Variants in FSTL5 observed in about 807,000 individuals in gnomAD.
FSTL5 encodes the protein follistatin-related protein 5.
FSTL5 carries 62 observed loss-of-function variants against 89.1 expected under a neutral mutation model. That is an observed-to-expected ratio of 0.70 (90% CI 0.57 to 0.86). The LOEUF (loss-of-function observed/expected upper bound fraction) is 0.86, where lower values mean the gene tolerates loss of function less well. FSTL5 is among the 40% of genes least tolerant of loss of function. The pLI is 0.00. For synonymous variants in FSTL5, 383 were observed against 346.2 expected, an observed-to-expected ratio of 1.11 and a Z score of -1.18; for missense variants, 1,057 against 1,001.6, an observed-to-expected ratio of 1.06 and a Z score of -0.75.
At chr4:161,945,962 T>C (rs985157259) in intron 3 of FSTL5, among the ~76,000 whole-genome samples, 2 of 152,150 alleles carry the variant, frequency 1.3e-5, no homozygotes, top group Non-Finnish European at 2.9e-5. Flanking sequence ...ATAATTATAA[T>C]TTAAATTTTC....
intron 11 of FSTL5, among the ~76,000 whole-genome samples, chr4:161,503,352 C>T (rs1157872802): frequency 1.3e-5 from 2 of 151,728 alleles, no homozygotes; most frequent in Non-Finnish European, 3.0e-5. Flanking sequence ...CTCATTTCTC[C>T]TCAAACCCAT....
At chr4:161,858,396 T>C (rs1012669238) in intron 4 of FSTL5, among the ~76,000 whole-genome samples, 1 of 152,202 alleles carries the variant, frequency 6.6e-6, no homozygotes, top group Admixed American at 6.5e-5. Flanking sequence ...ATTAAATTCA[T>C]GAAAGGTATA....
intron 3 of FSTL5, among the ~76,000 whole-genome samples, chr4:161,943,035 A>G (rs1734634175): frequency 6.6e-6 from 1 of 152,170 alleles, no homozygotes; most frequent in African/African-American, 2.4e-5. Context: ...CTAGTGATAC[A>G]TAATACAAAA....
chr4:161,704,888 G>A (rs11100383), intron 6 of FSTL5, among the ~76,000 whole-genome samples: 146,481 of 152,148 alleles, frequency 0.96, 70,644 homozygotes, highest in East Asian at 1. Flanking sequence ...TGTTTTGCTC[G>A]CATTATTCCC....
intron 7 of FSTL5, among the ~76,000 whole-genome samples, chr4:161,599,261 C>T (rs990228490): frequency 1.3e-5 from 2 of 152,082 alleles, no homozygotes; most frequent in Non-Finnish European, 2.9e-5. Context: ...ACCATGTAAA[C>T]ATCTACTAGA....
intron 2 of FSTL5, among the ~76,000 whole-genome samples, chr4:162,041,635 T>C (rs1375743524): frequency 1.3e-5 from 2 of 152,140 alleles, no homozygotes; most frequent in Non-Finnish European, 2.9e-5. Flanking sequence ...GTATTTGCTG[T>C]GTTTATGTAA....
chr4:161,454,014 A>G (rs1733263866), intron 15 of FSTL5, among the ~76,000 whole-genome samples: 1 of 152,206 alleles, frequency 6.6e-6, no homozygotes, highest in Admixed American at 6.5e-5. Flanking sequence ...GCAAGGAATA[A>G]TTTATTCTAT....
chr4:161,970,780 C>T (rs1553987372), intron 3 of FSTL5, among the ~76,000 whole-genome samples: 2 of 151,992 alleles, frequency 1.3e-5, no homozygotes, highest in East Asian at 1.9e-4. Context: ...AAAGTACACA[C>T]ATATTCAGAA....
At chr4:162,102,334 T>TAA (rs1031055683) in intron 2 of FSTL5, among the ~76,000 whole-genome samples, 22 of 151,734 alleles carry the variant, frequency 1.4e-4, no homozygotes, top group Non-Finnish European at 4.4e-5. Flanking sequence ...TTGAAACAAT[T>TAA]ATATATATAA....
intron 4 of FSTL5, among the ~76,000 whole-genome samples, chr4:161,797,612 T>G (rs968622795): frequency 1.3e-5 from 2 of 151,588 alleles, no homozygotes; most frequent in Non-Finnish European, 3.0e-5. Context: ...TCAATTATAA[T>G]GTACATGAAC....
In FSTL5 at chr4:161,519,370, T is replaced by A. The variant is rs372642626; in HGVS notation, c.1313-8946A>T. ...TGAAACCCTGTCTCTACTAAAAATA[T>A]AAAAAATTAGCCAGGAGTGGTGGTG... On this transcript the variant is annotated intron_variant, in intron 10 of 15. Coordinates refer to ENST00000306100, the MANE Select transcript of FSTL5 (RefSeq NM_020116.5). 4.5e-3 allele frequency among the ~76,000 whole-genome samples: 677 copies of A among 151,692 alleles called. 5 individuals carry two copies. The highest frequency in any genetic ancestry group is 0.017 in the Middle Eastern group (5 of 294).
At chr4:162,029,482 A>C (rs554426541) in intron 3 of FSTL5, among the ~76,000 whole-genome samples, 2 of 152,118 alleles carry the variant, frequency 1.3e-5, no homozygotes. Context: ...AGAATATCTT[A>C]TATGTAAAGG....
At chr4:162,063,017 C>T (rs1738772830) in intron 2 of FSTL5, among the ~76,000 whole-genome samples, 1 of 151,210 alleles carries the variant, frequency 6.6e-6, no homozygotes, top group Non-Finnish European at 1.5e-5. Context: ...GTGCTTTTTT[C>T]CTTTGTCCGT....
At chr4:161,416,617 G>C (rs1731792844) in intron 15 of FSTL5, among the ~76,000 whole-genome samples, 1 of 152,030 alleles carries the variant, frequency 6.6e-6, no homozygotes, top group South Asian at 2.1e-4. Flanking sequence ...GGCCCAGGTG[G>C]GGGGATCACA....
chr4:161,940,576 G>A (rs1734553468), intron 3 of FSTL5, among the ~76,000 whole-genome samples: 1 of 151,508 alleles, frequency 6.6e-6, no homozygotes, highest in Admixed American at 6.6e-5. Context: ...TGATTTTTAA[G>A]CAGAAAACAC....
At chr4:161,446,421 G>C (rs1218424152) in intron 15 of FSTL5, among the ~76,000 whole-genome samples, 1 of 151,954 alleles carries the variant, frequency 6.6e-6, no homozygotes, top group Admixed American at 6.6e-5. Context: ...TTTCTGTTAA[G>C]TTATATACTC....
At chr4:161,600,139 C>T (rs868115661) in intron 7 of FSTL5, among the ~76,000 whole-genome samples, 2 of 145,926 alleles carry the variant, frequency 1.4e-5, no homozygotes, top group African/African-American at 2.5e-5. Flanking sequence ...TGAATGAATC[C>T]CCAAGCACAA....
intron 15 of FSTL5, among the ~76,000 whole-genome samples, chr4:161,424,622 A>G (rs905789450): frequency 1.3e-5 from 2 of 150,620 alleles, no homozygotes; most frequent in Non-Finnish European, 3.0e-5. Flanking sequence ...CTTCTCTCTT[A>G]TTTTTCTCCA....
intron 5 of FSTL5, among the ~76,000 whole-genome samples, chr4:161,764,332 C>T (rs898143446): frequency 5.3e-5 from 8 of 152,066 alleles, no homozygotes; most frequent in African/African-American, 1.9e-4. Context: ...GATCTCGGCT[C>T]ACTGCAACCT....
Sources: allele counts gnomAD v4.1 joint callset (sites outside exome capture counted in the v4.1 genomes callset), GRCh38; gene constraint gnomAD v4.1.1; transcripts MANE v1.5; gene names NCBI Gene and HGNC (gene_info 2026-07-23, HGNC 2026-07-21).